DNAJC1: variants seen among roughly 807,000 people sequenced by gnomAD.
DNAJC1 encodes the protein DnaJ heat shock protein family (Hsp40) member C1, also known as dnaJ homolog subfamily C member 1.
In DNAJC1, 58 loss-of-function variants were observed where a neutral mutation model predicts 76.6. The observed-to-expected ratio is 0.76, with a 90% confidence interval of 0.61 to 0.94. The LOEUF (loss-of-function observed/expected upper bound fraction) is 0.94. Among genes scored for constraint, DNAJC1 ranks in the 40% least tolerant of loss-of-function variants. The pLI is 0.00. For missense variants in DNAJC1, 689 were observed against 677.3 expected (o/e 1.02, Z -0.19); for synonymous variants, 258 against 267.9 (o/e 0.96, Z 0.36).
chr10:21,756,874 G>T, intron 11 of DNAJC1, 119 bp from the exon 12 acceptor site: 1 of 873,982 alleles, frequency 1.1e-6, no homozygotes, highest in African/African-American at 1.7e-5. Flanking sequence ...CCTCTGCCCA[G>T]AGTTCCCGGG....
At chr10:21,847,381 A>G (rs1430745738) in intron 8 of DNAJC1, among the ~76,000 whole-genome samples, 1 of 152,216 alleles carries the variant, frequency 6.6e-6, no homozygotes, top group Non-Finnish European at 1.5e-5. Context: ...GCATACATAT[A>G]TTAAATCAGG....
At chr10:21,976,413 T>G (rs1838063265) in intron 1 of DNAJC1, among the ~76,000 whole-genome samples, 1 of 152,154 alleles carries the variant, frequency 6.6e-6, no homozygotes, top group African/African-American at 2.4e-5. Context: ...ATACAAACAT[T>G]TATTAACTGT....
intron 8 of DNAJC1, among the ~76,000 whole-genome samples, chr10:21,862,013 G>C (rs1835922894): frequency 6.6e-6 from 1 of 152,034 alleles, no homozygotes. Context: ...CCACCTCCCA[G>C]GTTCAGGCAA....
intron 1 of DNAJC1, among the ~76,000 whole-genome samples, chr10:21,941,130 G>A (rs1310714712): frequency 2.7e-5 from 4 of 149,794 alleles, no homozygotes; most frequent in African/African-American, 4.9e-5. Context: ...TTAGCCAGGC[G>A]TGGTGGCAGG....
chr10:21,898,413 A>T (rs1836581751), intron 7 of DNAJC1, among the ~76,000 whole-genome samples: 1 of 152,180 alleles, frequency 6.6e-6, no homozygotes, highest in African/African-American at 2.4e-5. Flanking sequence ...TGCATTACTC[A>T]TGTGTCGTAG....
intron 7 of DNAJC1, among the ~76,000 whole-genome samples, chr10:21,893,745 C>T (rs936334848): frequency 6.6e-6 from 1 of 151,686 alleles, no homozygotes; most frequent in Non-Finnish European, 1.5e-5. Context: ...AATTAATAAT[C>T]TAAACTTCCA....
intron 8 of DNAJC1, among the ~76,000 whole-genome samples, chr10:21,809,784 A>AAT (rs1031232606): frequency 6.6e-6 from 1 of 152,096 alleles, no homozygotes; most frequent in Non-Finnish European, 1.5e-5. Context: ...GCCCTTGACA[A>AAT]ATATATATAA....
intron 8 of DNAJC1, among the ~76,000 whole-genome samples, chr10:21,837,008 C>T (rs1466347374): frequency 1.3e-5 from 2 of 152,240 alleles, no homozygotes; most frequent in Non-Finnish European, 2.9e-5. Flanking sequence ...TGCAACCTCC[C>T]TGCCTGATTC....
intron 9 of DNAJC1, among the ~76,000 whole-genome samples, chr10:21,786,714 A>G (rs370553184): frequency 6.6e-6 from 1 of 151,944 alleles, no homozygotes; most frequent in East Asian, 1.9e-4. Flanking sequence ...ATCTCAGGAG[A>G]TCCACCTCGG....
chr10:21,826,909 T>G (rs1158927350), intron 8 of DNAJC1, among the ~76,000 whole-genome samples: 2 of 152,160 alleles, frequency 1.3e-5, no homozygotes, highest in East Asian at 3.8e-4. Flanking sequence ...TGTAGCTTTG[T>G]AGTAAGTTGC....
At position 21,836,454 on chromosome 10, in the gene DNAJC1, C is replaced by A. The variant is rs1835456690; in HGVS notation, c.979-30355G>T. ...ACATAACCAGCTAACATCATAATGA[C>A]AGGATCTAATTCACACATAAAAATA... On this transcript the variant is annotated intron_variant, in intron 8 of 11. Transcript: ENST00000376980. Among the ~76,000 whole-genome samples the A allele has an allele frequency of 2.6e-5, 4 of 152,290 alleles. No homozygotes were observed. In the South Asian group the frequency reaches 8.3e-4, roughly 32 times the overall value.
chr10:21,970,791 C>A (rs1309518254), intron 1 of DNAJC1, among the ~76,000 whole-genome samples: 1 of 151,940 alleles, frequency 6.6e-6, no homozygotes, highest in South Asian at 2.1e-4. Context: ...AAAAAAAGAT[C>A]AAATTGTTAG....
intron 8 of DNAJC1, among the ~76,000 whole-genome samples, chr10:21,819,585 C>T (rs1835124447): frequency 2.0e-5 from 3 of 152,142 alleles, no homozygotes; most frequent in Admixed American, 2.0e-4. Flanking sequence ...GGCATGGTCA[C>T]ATTTTGTGCA....
At chr10:21,932,593 C>A (rs1209375460) in intron 1 of DNAJC1, among the ~76,000 whole-genome samples, 1 of 152,152 alleles carries the variant, frequency 6.6e-6, no homozygotes, top group Non-Finnish European at 1.5e-5. Flanking sequence ...AAGATGCCAA[C>A]CTAAGGCCTT....
chr10:21,896,222 G>T (rs867523470), intron 7 of DNAJC1, among the ~76,000 whole-genome samples: 1 of 152,126 alleles, frequency 6.6e-6, no homozygotes, highest in Non-Finnish European at 1.5e-5. Flanking sequence ...CTTCAGCCTG[G>T]GAGAGCTTGC....
intron 7 of DNAJC1, among the ~76,000 whole-genome samples, chr10:21,887,407 T>C (rs1836383954): frequency 6.6e-6 from 1 of 151,648 alleles, no homozygotes; most frequent in South Asian, 2.1e-4. Flanking sequence ...TCATATGAAA[T>C]GAAAAAGAGC....
chr10:21,925,617 A>C (rs1837115566), intron 3 of DNAJC1, among the ~76,000 whole-genome samples: 1 of 152,228 alleles, frequency 6.6e-6, no homozygotes, highest in Non-Finnish European at 1.5e-5. Flanking sequence ...GAAAAGAATG[A>C]ACTACTGGTA....
intron 1 of DNAJC1, among the ~76,000 whole-genome samples, chr10:21,964,877 T>C (rs904899451): frequency 1.3e-5 from 2 of 152,200 alleles, no homozygotes; most frequent in African/African-American, 4.8e-5. Context: ...ACTGCTGCTA[T>C]GGAAAAGTCA....
chr10:21,792,609 G>C (rs1834703335), intron 9 of DNAJC1, among the ~76,000 whole-genome samples: 2 of 151,782 alleles, frequency 1.3e-5, no homozygotes, highest in South Asian at 4.2e-4. Flanking sequence ...ATACAAAAAA[G>C]TTAGCCAGGC....
Sources: allele counts gnomAD v4.1 joint callset (sites outside exome capture counted in the v4.1 genomes callset), GRCh38; gene constraint gnomAD v4.1.1; transcripts MANE v1.5; gene names NCBI Gene and HGNC (gene_info 2026-07-23, HGNC 2026-07-21).